The following EEPD1 variants were observed in gnomAD, a reference collection of about 807,000 sequenced individuals.
EEPD1 encodes endonuclease/exonuclease/phosphatase family domain containing 1, also known as endonuclease/exonuclease/phosphatase family domain-containing protein 1.
Under a neutral mutation model 46.3 loss-of-function variants are expected in EEPD1, and 17 were observed. That is an observed-to-expected ratio of 0.37 (90% CI 0.25 to 0.55). The LOEUF is 0.55. Ranked by LOEUF, EEPD1 falls within the 20% of genes least tolerant of loss-of-function variation. EEPD1 has a pLI of 0.83. For synonymous variants in EEPD1, 313 were observed against 315.6 expected, an observed-to-expected ratio of 0.99 and a Z score of 0.09; for missense variants, 673 against 745.6, an observed-to-expected ratio of 0.90 and a Z score of 1.13.
chr7:36,168,782 G>T (rs1202223654), intron 2 of EEPD1, among the ~76,000 whole-genome samples: 1 of 150,052 alleles, frequency 6.7e-6, no homozygotes, highest in African/African-American at 2.5e-5. Context: ...GTTGGGGGAG[G>T]GGGGACAGTT....
At chr7:36,167,039 G>A (rs1784996414) in intron 2 of EEPD1, among the ~76,000 whole-genome samples, 1 of 152,172 alleles carries the variant, frequency 6.6e-6, no homozygotes, top group Non-Finnish European at 1.5e-5. Flanking sequence ...CTGGTTTGCA[G>A]ATGACTGTCC....
chr7:36,176,776 T>C (rs1207975337), intron 2 of EEPD1, among the ~76,000 whole-genome samples: 1 of 152,082 alleles, frequency 6.6e-6, no homozygotes, highest in Non-Finnish European at 1.5e-5. Context: ...AAACCACCAA[T>C]GCCAAAAGCA....
intron 3 of EEPD1, among the ~76,000 whole-genome samples, chr7:36,260,055 A>G (rs954675160): frequency 6.6e-6 from 1 of 152,242 alleles, no homozygotes; most frequent in Admixed American, 6.5e-5. Flanking sequence ...CCAGCAATAC[A>G]GTCATATACA....
chr7:36,279,587 GC>G (rs1787231168), intron 3 of EEPD1, among the ~76,000 whole-genome samples: 1 of 152,224 alleles, frequency 6.6e-6, no homozygotes, highest in East Asian at 1.9e-4. Context: ...GCTTTCTGCA[GC>G]AGAGGCGTTG....
At chr7:36,259,377 C>G (rs1298916171) in intron 3 of EEPD1, among the ~76,000 whole-genome samples, 2 of 152,196 alleles carry the variant, frequency 1.3e-5, no homozygotes, top group African/African-American at 4.8e-5. Context: ...CTTGTGCTCA[C>G]TTAATTTTAG....
chr7:36,287,933 C>T (rs1036482322), intron 6 of EEPD1, among the ~76,000 whole-genome samples, 156 bp downstream of exon 6: 6 of 152,216 alleles, frequency 3.9e-5, no homozygotes, highest in South Asian at 2.1e-4. Flanking sequence ...TCATGGAGCC[C>T]AGCTGACCCT....
chr7:36,292,155 C>T (rs1049441027), intron 6 of EEPD1, among the ~76,000 whole-genome samples: 2 of 152,148 alleles, frequency 1.3e-5, no homozygotes, highest in African/African-American at 2.4e-5. Context: ...GTGAGTGCCC[C>T]GTGCCAGGCG....
At position 36,281,223 on chromosome 7, in the gene EEPD1, A is replaced by C; in HGVS notation, c.1039A>C (p.Lys347Gln). ...VAEKPSSQLQKGAGYAGFLWD... is the reference protein window; with the variant it reads ...VAEKPSSQLQQGAGYAGFLWD... The stretch of plus-strand genomic sequence containing the variant: ...TGAGAAGCCCTCGAGTCAGCTCCAG[A>C]AGGTACCCTCGTCTGCAAAGCCTGG... Residue 347 changes from lysine (K) to glutamine (Q), a missense_variant and splice_region_variant, in exon 4 of 8, where the codon AAG becomes CAG. Lys to Gln is a moderately conservative substitution (Grantham distance 53). Transcript: ENST00000242108. 1 of 1,613,842 alleles carries C rather than the reference A, an allele frequency of 6.2e-7. No homozygotes were observed. The highest frequency in any genetic ancestry group is 8.5e-7 in the Non-Finnish European group (1 of 1,179,746).
chr7:36,194,693 G>A (rs539064653), intron 2 of EEPD1, among the ~76,000 whole-genome samples: 22 of 152,306 alleles, frequency 1.4e-4, no homozygotes, highest in African/African-American at 4.1e-4. Flanking sequence ...GGCTGGACCC[G>A]GAAGAGCGAA....
At chr7:36,207,672 G>A (rs183654596) in intron 2 of EEPD1, among the ~76,000 whole-genome samples, 54 of 152,268 alleles carry the variant, frequency 3.5e-4, no homozygotes, top group Admixed American at 1.0e-3. Context: ...CCTTTCCTGC[G>A]TGCAGCTACC....
At chr7:36,271,869 C>CTATTCTATTCTATTCTATTG (rs1787110177) in intron 3 of EEPD1, among the ~76,000 whole-genome samples, 1 of 17,138 alleles carries the variant, frequency 5.8e-5, no homozygotes, top group African/African-American at 1.4e-4. Context: ...CTATTCTATT[C>CTATTCTATTCTATTCTATTG]TATTCTATTC....
intron 2 of EEPD1, among the ~76,000 whole-genome samples, chr7:36,186,508 G>A (rs994885235): frequency 2.0e-5 from 3 of 152,158 alleles, no homozygotes; most frequent in African/African-American, 4.8e-5. Flanking sequence ...GCTCATTCAA[G>A]GACAGCAAAA....
intron 3 of EEPD1, among the ~76,000 whole-genome samples, chr7:36,244,674 C>T (rs1479249566): frequency 6.6e-6 from 1 of 152,072 alleles, no homozygotes; most frequent in Non-Finnish European, 1.5e-5. Flanking sequence ...AGAGGATCTT[C>T]CCTGAAGGCC....
intron 2 of EEPD1, among the ~76,000 whole-genome samples, chr7:36,236,154 G>A (rs1018973882): frequency 1.3e-4 from 20 of 152,186 alleles, no homozygotes; most frequent in African/African-American, 4.8e-4. Flanking sequence ...AGCAGCCCTC[G>A]CTCACTCTCG....
intron 3 of EEPD1, among the ~76,000 whole-genome samples, chr7:36,270,060 A>G (rs1787080451): frequency 6.6e-6 from 1 of 152,202 alleles, no homozygotes; most frequent in African/African-American, 2.4e-5. Context: ...AGAAGAGCTT[A>G]TGATAACATG....
chr7:36,295,995 C>T, intron 6 of EEPD1, among the ~76,000 whole-genome samples: 1 of 140,646 alleles, frequency 7.1e-6, no homozygotes, highest in African/African-American at 2.8e-5. Flanking sequence ...TGTGCCACTG[C>T]ACTCCAGCCC....
At chr7:36,198,796 T>G (rs916470118) in intron 2 of EEPD1, among the ~76,000 whole-genome samples, 5 of 152,106 alleles carry the variant, frequency 3.3e-5, no homozygotes, top group African/African-American at 1.2e-4. Context: ...GCAAGAGCCA[T>G]CTCTGTGGGT....
At chr7:36,286,843 T>A (rs778284908) in intron 5 of EEPD1, among the ~76,000 whole-genome samples, 6 of 152,028 alleles carry the variant, frequency 3.9e-5, no homozygotes, top group Non-Finnish European at 5.9e-5. Flanking sequence ...CCTCCTTTGA[T>A]TGATTGATTG....
rs1786219507 is a variant in EEPD1 at position 36,225,610 on chromosome 7, A to G, written c.879-13375A>G. ...GTAACAAAAATTAAGTCGACTTTAG[A>G]CTTGTTCTGTATAACAAAGAGACTG... is the stretch of plus-strand genomic sequence containing the variant. On this transcript the variant is annotated intron_variant, in intron 2 of 7. Transcript: ENST00000242108. This position sits in a 1 kb window ranked among gnomAD's most constrained non-coding sequence, Gnocchi z 4.2. 1.3e-5 allele frequency among the ~76,000 whole-genome samples: 2 copies of G among 152,206 alleles called. No homozygotes were observed. Among genetic ancestry groups the G allele is most frequent in the Non-Finnish European group, 2.9e-5 (2 of 68,032 alleles).
Sources: gnomAD v4.1 joint callset for allele counts (sites outside exome capture counted in the v4.1 genomes callset) on GRCh38, gnomAD v4.1.1 for gene constraint, Gnocchi (gnomAD v3.1) non-coding constraint, MANE v1.5 for transcripts, NCBI Gene and HGNC (gene_info 2026-07-23, HGNC 2026-07-21) for gene names.